N4BP2: variants seen among roughly 807,000 people sequenced by gnomAD.
N4BP2 encodes the protein NEDD4 binding protein 2, also known as NEDD4-binding protein 2.
A neutral mutation model predicts 152.8 loss-of-function variants in N4BP2; 91 were observed. The observed-to-expected ratio is 0.60, with a 90% CI of 0.50 to 0.71. N4BP2 has a LOEUF of 0.71. Among genes scored for constraint, N4BP2 ranks in the 30% least tolerant of loss-of-function variants. N4BP2 has a pLI of 0.00. For missense variants in N4BP2, 1,923 were observed against 2,059.1 expected (o/e 0.93, Z 1.28); for synonymous variants, 646 against 705.3 (o/e 0.92, Z 1.33).
chr4:40,059,086 G>C (rs377000222), intron 1 of N4BP2, among the ~76,000 whole-genome samples: 3 of 152,278 alleles, frequency 2.0e-5, no homozygotes, highest in African/African-American at 7.2e-5. Flanking sequence ...CTCCCAAAGT[G>C]CTGGGATTAC....
At chr4:40,163,015 A>G (rs541378515), downstream of N4BP2, among the ~76,000 whole-genome samples, 1 of 152,364 alleles carries the variant, frequency 6.6e-6, no homozygotes, top group South Asian at 2.1e-4. Flanking sequence ...CAGAACAGGT[A>G]ATCCAAGTGA....
At chr4:40,159,455 C>G (rs2109303995), downstream of N4BP2, among the ~76,000 whole-genome samples, 1 of 152,306 alleles carries the variant, frequency 6.6e-6, no homozygotes, top group Admixed American at 6.5e-5. Context: ...CATCATTCTG[C>G]CATACCCAAG....
intron 3 of N4BP2, chr4:40,100,079 G>T (rs139470519): frequency 1.6e-4 from 71 of 456,034 alleles, no homozygotes; most frequent in African/African-American, 1.4e-3. Context: ...CTTGTGCACA[G>T]CACTTTTTCA....
chr4:40,117,807 C>T, intron 7 of N4BP2, 62 bp from the exon 8 acceptor site: 1 of 1,416,422 alleles, frequency 7.1e-7, no homozygotes. Context: ...GACATATGTT[C>T]TGATTTTTAA....
In N4BP2 at chr4:40,090,671, G is replaced by A. The variant is rs548153932; in HGVS notation, c.-114-6556G>A. Among the ~76,000 whole-genome samples the A allele has an allele frequency of 5.1e-4, 77 of 152,214 alleles. 1 individual carries two copies. Among genetic ancestry groups the A allele is most frequent in the African/African-American group, 1.8e-3 (75 of 41,542 alleles). ...TTTACAGCCAGGCGTGGTGAGTCAC[G>A]CCTGTAATCCCAGTACTTTGGGAGG... On this transcript the variant is annotated intron_variant, in intron 2 of 17. Transcript: ENST00000261435.
At chr4:40,168,592 T>TTAC in the N4BP2 span, among the ~76,000 whole-genome samples, 118,073 of 151,520 alleles carry the variant, frequency 0.78, 46,231 homozygotes, top group East Asian at 0.98. Context: ...TTTATGGATT[T>TTAC]TACACCTTTT....
intron 12 of N4BP2, among the ~76,000 whole-genome samples, chr4:40,131,280 C>T (rs913013907): frequency 6.6e-6 from 1 of 152,168 alleles, no homozygotes; most frequent in Non-Finnish European, 1.5e-5. Flanking sequence ...TTGTTTTCCC[C>T]TTTGCTTTGG....
intron 13 of N4BP2, among the ~76,000 whole-genome samples, chr4:40,134,030 A>G (rs924364567): frequency 6.6e-6 from 1 of 151,268 alleles, no homozygotes; most frequent in Non-Finnish European, 1.5e-5. Flanking sequence ...CTGGTCTTGA[A>G]CTCCTGAGCT....
rs776726830 is a variant in N4BP2 at position 40,126,373 on chromosome 4, G to A, written c.4527+43G>A. The A allele has an allele frequency of 4.1e-6, 4 of 969,062 alleles. No individual in the cohort carries two copies. In the East Asian group the frequency reaches 1.1e-4, roughly 27 times the overall value. 60.0% of individuals were successfully genotyped at this position (969,062 alleles called of 1,614,324 possible). On this transcript the variant is annotated intron_variant, in intron 12 of 17. Coordinates refer to ENST00000261435, the MANE Select transcript of N4BP2 (RefSeq NM_018177.6). ...TATTAAGCTACTGTCTCTGATTCTGGTTTATTGTGTATGTTTACTTTGTGA... is the reference window on the plus strand; with the variant it reads ...TATTAAGCTACTGTCTCTGATTCTGATTTATTGTGTATGTTTACTTTGTGA...
Position 40,154,186 on chromosome 4 carries a change from C to T in N4BP2, c.5268-6C>T, listed in dbSNP as rs373336029. The stretch of plus-strand genomic sequence containing the variant: ...CTTTAAAATAACTCTTTTCTCATTT[C>T]TGCAGGTTCTCTGAAATTAAACCAG... On this transcript the variant is annotated splice_region_variant and splice_polypyrimidine_tract_variant and intron_variant, in intron 17 of 17. Transcript: ENST00000261435. 21 of 1,595,464 alleles carry T rather than the reference C, an allele frequency of 1.3e-5. No individual in the cohort carries two copies. Among genetic ancestry groups the T allele is most frequent in the Non-Finnish European group, 1.7e-5 (20 of 1,168,386 alleles).
chr4:40,102,695 G>A lies in N4BP2; in HGVS notation c.850G>A (p.Val284Ile). 6.2e-7 allele frequency: 1 copy of A among 1,614,196 alleles called. No individual in the cohort carries two copies. Reference sequence around the variant, plus strand: ...TGAGGCTCAATTCTCTGAAGCTCCTGTAGATTTGGATGCCAGTGAACCTCA... The same window carrying A: ...TGAGGCTCAATTCTCTGAAGCTCCTATAGATTTGGATGCCAGTGAACCTCA... ...CVEAQFSEAP[V>I]DLDASEPQAC... Residue 284 changes from valine (V) to isoleucine (I), a missense_variant, in exon 4 of 18, where the codon GTA (valine) becomes ATA (isoleucine). Physicochemically the swap from Val to Ile is conservative, Grantham distance 29. Transcript: ENST00000261435.
At chr4:40,122,411 T>G in intron 9 of N4BP2, 102 bp downstream of exon 9, 1 of 724,940 alleles carries the variant, frequency 1.4e-6, no homozygotes, top group Non-Finnish European at 2.1e-6. Context: ...TCTCGCTCTG[T>G]TGCCCAGGCT....
intron 16 of N4BP2, among the ~76,000 whole-genome samples, chr4:40,151,926 G>A (rs968261185): frequency 2.0e-5 from 3 of 151,760 alleles, no homozygotes; most frequent in South Asian, 2.1e-4. Context: ...TAAGCAGACC[G>A]TGGAATGTTT....
chr4:40,123,333 G>A, intron 10 of N4BP2, 121 bp downstream of exon 10: 1 of 592,714 alleles, frequency 1.7e-6, no homozygotes, highest in Non-Finnish European at 3.0e-6. Flanking sequence ...AGATGGAAGA[G>A]TTCTATTGAA....
At chr4:40,104,850 G>C (rs918267091) in intron 4 of N4BP2, among the ~76,000 whole-genome samples, 2 of 151,554 alleles carry the variant, frequency 1.3e-5, no homozygotes, top group Non-Finnish European at 2.9e-5. Flanking sequence ...TGTCGCCCAG[G>C]CTAGAGTGCA....
At chr4:40,098,264 G>A (rs1187292604) in intron 3 of N4BP2, among the ~76,000 whole-genome samples, 1 of 152,142 alleles carries the variant, frequency 6.6e-6, no homozygotes, top group Admixed American at 6.6e-5. Context: ...AAGAAACGTG[G>A]GTTGGATTTC....
intron 16 of N4BP2, among the ~76,000 whole-genome samples, chr4:40,148,750 A>G (rs1361148550): frequency 6.6e-6 from 1 of 152,210 alleles, no homozygotes; most frequent in Non-Finnish European, 1.5e-5. Context: ...TTGGCCTTCC[A>G]AAGTGCTGAG....
chr4:40,086,511 T>C (rs1713971738), intron 2 of N4BP2, among the ~76,000 whole-genome samples: 1 of 151,622 alleles, frequency 6.6e-6, no homozygotes, highest in African/African-American at 2.4e-5. Flanking sequence ...CTAATTTTTG[T>C]ATTTGTAGTA....
chr4:40,186,822 T>C, the N4BP2 span, among the ~76,000 whole-genome samples: 45 of 152,222 alleles, frequency 3.0e-4, no homozygotes, highest in Non-Finnish European at 6.0e-4. Context: ...CATACTTGTC[T>C]CTCTTTCATT....
Sources: gnomAD v4.1 joint callset for allele counts (sites outside exome capture counted in the v4.1 genomes callset) on GRCh38, gnomAD v4.1.1 for gene constraint, MANE v1.5 for transcripts, NCBI Gene and HGNC (gene_info 2026-07-23, HGNC 2026-07-21) for gene names.